Variants in FRMD1 observed in about 807,000 individuals in gnomAD.
FRMD1 encodes FERM domain-containing protein 1.
A neutral mutation model predicts 54.9 loss-of-function variants in FRMD1; 51 were observed. That is an observed-to-expected ratio of 0.93 (90% CI 0.74 to 1.17). The LOEUF (loss-of-function observed/expected upper bound fraction) is 1.17, where lower values mean the gene tolerates loss of function less well. Ranked by LOEUF, FRMD1 falls within the 50% of genes most tolerant of loss-of-function variation. The pLI, the probability that FRMD1 is intolerant of heterozygous loss-of-function variation, is 0.00. For synonymous variants in FRMD1, 324 were observed against 306.4 expected (o/e 1.06, Z -0.60); for missense variants, 729 against 743.0 (o/e 0.98, Z 0.22).
At chr6:168,085,497 A>G (rs1234960975), upstream of FRMD1, among the ~76,000 whole-genome samples, 1 of 152,214 alleles carries the variant, frequency 6.6e-6, no homozygotes, top group Non-Finnish European at 1.5e-5. Context: ...ATTTCTATGA[A>G]TGGCCACCCA....
At chr6:168,089,408 C>A (rs1356286335) in intron 1 of FRMD1, among the ~76,000 whole-genome samples, 1 of 152,226 alleles carries the variant, frequency 6.6e-6, no homozygotes, top group Non-Finnish European at 1.5e-5. Context: ...AGGCTGTGGC[C>A]GCTTCCTCCT....
At position 168,069,867 on chromosome 6, in the gene FRMD1, C is replaced by T. The variant is rs539406245; in HGVS notation, c.305-2421G>A. Among the ~76,000 whole-genome samples, 14 of 152,302 alleles carry T rather than the reference C, an allele frequency of 9.2e-5. No homozygotes were observed. The South Asian group carries it at 2.5e-3, about 27-fold the overall frequency. ...GATGGGCGCACCCTTCTTAGCCCGG[C>T]CACAGTGCCCCGCTGTATGGTCAAA... On this transcript the variant is annotated intron_variant, in intron 2 of 10. Transcript: ENST00000283309.
chr6:168,062,898 T>C lies in FRMD1; in HGVS notation c.866A>G (p.Tyr289Cys), dbSNP rs778719939. ...GGCTGGAGCCCCTTCGGTCACCTGG[T>C]AGATGTGCACTCCCCTGAGGGCCAG... is the stretch of plus-strand genomic sequence containing the variant. ...LGLALRGVHI[Y>C]QGKKLEIQLD... is the part of the protein sequence containing the mutation. The change falls in exon 7 of 11, where the codon TAC becomes TGC. Residue 289 changes from tyrosine (Y) to cysteine (C), a missense_variant. Transcript: ENST00000283309. 6 of 1,613,648 alleles carry C rather than the reference T, an allele frequency of 3.7e-6. No individual in the cohort carries two copies. In the South Asian group the frequency reaches 4.4e-5, roughly 12 times the overall value.
intron 1 of FRMD1, among the ~76,000 whole-genome samples, chr6:168,076,104 G>A (rs961747794): frequency 1.3e-5 from 2 of 152,192 alleles, no homozygotes; most frequent in African/African-American, 4.8e-5. Context: ...CTGGTCACCG[G>A]GCAGCAGAGG....
intron 2 of FRMD1, among the ~76,000 whole-genome samples, chr6:168,071,377 A>C (rs1293460077): frequency 6.6e-6 from 1 of 152,258 alleles, no homozygotes; most frequent in Non-Finnish European, 1.5e-5. Context: ...TCCCGTATAA[A>C]AAGTCCAAAT....
chr6:168,079,864 C>T (rs9364219), upstream of FRMD1, among the ~76,000 whole-genome samples: 113,733 of 152,110 alleles, frequency 0.75, 42,638 homozygotes, highest in Middle Eastern at 0.84. Flanking sequence ...CCCCTGAGGC[C>T]GCTCAGCAGA....
chr6:168,079,734 G>T (rs545977956), upstream of FRMD1, among the ~76,000 whole-genome samples: 1 of 152,308 alleles, frequency 6.6e-6, no homozygotes, highest in African/African-American at 2.4e-5. Context: ...CTTGTCCAGG[G>T]CCAGCAAATC....
At chr6:168,076,699 G>A (rs995657041) in intron 1 of FRMD1, among the ~76,000 whole-genome samples, 4 of 152,200 alleles carry the variant, frequency 2.6e-5, no homozygotes, top group African/African-American at 9.7e-5. Context: ...CAAGTCTTGG[G>A]TATGTCTTTA....
intron 2 of FRMD1, among the ~76,000 whole-genome samples, chr6:168,070,017 C>A (rs562785219): frequency 6.6e-6 from 1 of 152,170 alleles, no homozygotes; most frequent in South Asian, 2.1e-4. Flanking sequence ...ATGAGCCCAG[C>A]AGTTTGAGAC....
upstream of FRMD1, chr6:168,081,606 C>T (rs1800833040): frequency 1.6e-6 from 2 of 1,235,618 alleles, no homozygotes; most frequent in African/African-American, 1.5e-5. Flanking sequence ...AGCTCTAGGT[C>T]CACAAAGCAC....
intron 5 of FRMD1, among the ~76,000 whole-genome samples, chr6:168,063,969 G>A (rs928215733): frequency 6.6e-6 from 1 of 152,194 alleles, no homozygotes; most frequent in Non-Finnish European, 1.5e-5. Flanking sequence ...TCCCCCTCGG[G>A]TCCTCCCCAA....
intron 2 of FRMD1, among the ~76,000 whole-genome samples, chr6:168,072,384 C>T (rs1437499849): frequency 6.6e-6 from 1 of 152,244 alleles, no homozygotes; most frequent in Non-Finnish European, 1.5e-5. Flanking sequence ...CGTGCCCTCA[C>T]ACCCGTGGTC....
rs2114928153 is a variant in FRMD1 at position 168,053,219 on chromosome 6, T to C, written c.*3878A>G. 6.6e-6 allele frequency: 1 copy of C among 152,352 alleles called. No homozygotes were observed. Among genetic ancestry groups the C allele is most frequent in the Admixed American group, 6.5e-5 (1 of 15,308 alleles). The allele number at this position is 152,352 out of a possible 1,614,324, so 9.4% of individuals were successfully genotyped here. ...AATACCAGCTTTCTCCCGGCAGGGCTGCCCCGGATTTGTTTTCTAACCTTG... is the reference window on the plus strand; with the variant it reads ...AATACCAGCTTTCTCCCGGCAGGGCCGCCCCGGATTTGTTTTCTAACCTTG... On this transcript the variant is annotated 3_prime_UTR_variant, in exon 11 of 11. Coordinates refer to ENST00000283309, the MANE Select transcript of FRMD1 (RefSeq NM_024919.6).
rs1000571142 is a variant in FRMD1, at chr6:168,066,169, C to A, written c.461+586G>T. On this transcript the variant is annotated intron_variant, in intron 4 of 10. Transcript: ENST00000283309. ...GCCTCGCCCACCCCCGGATGGTATACCCACCCTAGAGAGTACGAGTCCTGG... is the reference window on the plus strand; with the variant it reads ...GCCTCGCCCACCCCCGGATGGTATAACCACCCTAGAGAGTACGAGTCCTGG... 6 of 986,530 alleles carry A rather than the reference C, an allele frequency of 6.1e-6. No homozygotes were observed. The South Asian group carries it at 2.3e-4, about 39-fold the overall frequency. 61.1% of individuals were successfully genotyped at this position (986,530 alleles called of 1,614,324 possible).
intron 1 of FRMD1, among the ~76,000 whole-genome samples, chr6:168,076,150 T>G (rs1800583813): frequency 6.6e-6 from 1 of 152,174 alleles, no homozygotes; most frequent in Non-Finnish European, 1.5e-5. Flanking sequence ...GCGCCAAGCC[T>G]GTGACGGAGG....
chr6:168,062,796 G>A (rs1004302951), intron 7 of FRMD1, 98 bp downstream of exon 7: 56 of 1,603,118 alleles, frequency 3.5e-5, no homozygotes, highest in Non-Finnish European at 4.1e-5. Flanking sequence ...GCCCATGACC[G>A]CTGCAGGGAT....
intron 1 of FRMD1, among the ~76,000 whole-genome samples, chr6:168,088,513 C>T (rs1467632908): frequency 6.6e-6 from 1 of 152,214 alleles, no homozygotes; most frequent in Non-Finnish European, 1.5e-5. Context: ...GGCATAAACA[C>T]TCGCCTTGTG....
intron 4 of FRMD1, chr6:168,065,288 G>A: frequency 1.5e-6 from 2 of 1,315,236 alleles, no homozygotes; most frequent in Non-Finnish European, 1.9e-6. Flanking sequence ...GGAGCCACTA[G>A]ATGAGGCTCC....
upstream of FRMD1, chr6:168,081,410 T>A (rs1800826556): frequency 6.5e-7 from 1 of 1,535,638 alleles, no homozygotes; most frequent in African/African-American, 1.4e-5. Context: ...ACGTTCGTGA[T>A]GTCAGGGCCG....
Sources: allele counts gnomAD v4.1 joint callset (sites outside exome capture counted in the v4.1 genomes callset), GRCh38; gene constraint gnomAD v4.1.1; transcripts MANE v1.5; gene names NCBI Gene and HGNC (gene_info 2026-07-23, HGNC 2026-07-21).